Variants in MKLN1 observed in about 807,000 individuals in gnomAD.
The protein encoded by MKLN1 is muskelin.
In MKLN1, 18 loss-of-function variants were observed where a neutral mutation model predicts 99.0. The ratio of observed to expected loss-of-function variants is 0.18; its 90% confidence interval spans 0.13 to 0.27. MKLN1 has a LOEUF of 0.27. MKLN1 is among the 10% of genes least tolerant of loss of function. The pLI is 1.00. For synonymous variants in MKLN1, 288 were observed against 293.2 expected (o/e 0.98, Z 0.18); for missense variants, 621 against 875.9 (o/e 0.71, Z 3.67).
intron 2 of MKLN1, among the ~76,000 whole-genome samples, chr7:131,188,240 C>T (rs190414689): frequency 4.6e-5 from 7 of 152,150 alleles, no homozygotes; most frequent in South Asian, 2.1e-4. Context: ...CCATGGGGGG[C>T]GTTGGGGGGA....
At chr7:131,303,873 A>G (rs1393271600) in intron 3 of MKLN1, among the ~76,000 whole-genome samples, 1 of 152,246 alleles carries the variant, frequency 6.6e-6, no homozygotes, top group Non-Finnish European at 1.5e-5. Context: ...AAACTGGCCA[A>G]CAGCCCCATG....
At chr7:131,386,049 T>C (rs1261533295) in intron 2 of MKLN1, among the ~76,000 whole-genome samples, 2 of 150,348 alleles carry the variant, frequency 1.3e-5, no homozygotes, top group African/African-American at 4.9e-5. Context: ...AGTCTTACTC[T>C]GTTACTCAAG....
chr7:131,262,685 G>A (rs1455050002), intron 3 of MKLN1, among the ~76,000 whole-genome samples: 1 of 151,774 alleles, frequency 6.6e-6, no homozygotes, highest in Non-Finnish European at 1.5e-5. Context: ...CAAGTAGCTG[G>A]GACTGCAGGC....
rs114806643 is a variant in MKLN1, at chr7:131,218,185, A to G, written c.-179+15211A>G. Reference sequence around the variant, plus strand: ...ATACGGAATACAAGGTCTGAAAAATATCTCAAATACCATTCTTAGGTTTTA... The same window carrying G: ...ATACGGAATACAAGGTCTGAAAAATGTCTCAAATACCATTCTTAGGTTTTA... On this transcript the variant is annotated intron_variant, in intron 3 of 7. Transcript: ENST00000416992. Among the ~76,000 whole-genome samples the G allele has an allele frequency of 8.6e-3, 1,315 of 152,326 alleles. 23 individuals are homozygous for G. Among genetic ancestry groups the G allele is most frequent in the African/African-American group, 0.03 (1,237 of 41,556 alleles).
intron 3 of MKLN1, among the ~76,000 whole-genome samples, chr7:131,314,915 G>T (rs567395882): frequency 6.6e-6 from 1 of 151,970 alleles, no homozygotes; most frequent in Non-Finnish European, 1.5e-5. Context: ...GGGACTACAG[G>T]CACACACCAC....
At chr7:131,162,395 C>T (rs955195461) in intron 2 of MKLN1, among the ~76,000 whole-genome samples, 53 of 152,046 alleles carry the variant, frequency 3.5e-4, no homozygotes, top group African/African-American at 9.7e-4. Context: ...TCTAAATAAA[C>T]GTGAGAAAAT....
At chr7:131,253,526 T>A (rs912189645) in intron 3 of MKLN1, among the ~76,000 whole-genome samples, 8 of 152,058 alleles carry the variant, frequency 5.3e-5, no homozygotes, top group African/African-American at 1.9e-4. Flanking sequence ...TCACCCCAGC[T>A]TTTTTTCAGA....
intron 3 of MKLN1, among the ~76,000 whole-genome samples, chr7:131,276,681 A>T (rs1368179969): frequency 6.6e-6 from 1 of 152,200 alleles, no homozygotes; most frequent in Non-Finnish European, 1.5e-5. Flanking sequence ...CTTAACGTGG[A>T]CAAGCAGCAT....
chr7:131,479,843 A>C (rs1321916322), intron 17 of MKLN1, among the ~76,000 whole-genome samples: 2 of 77,442 alleles, frequency 2.6e-5, no homozygotes, highest in Non-Finnish European at 4.7e-5. Context: ...TAATAATAAT[A>C]ATAAATTTAA....
At chr7:131,456,584 G>A (rs1796345833) in intron 12 of MKLN1, among the ~76,000 whole-genome samples, 1 of 152,190 alleles carries the variant, frequency 6.6e-6, no homozygotes, top group South Asian at 2.1e-4. Flanking sequence ...GTTCAGAGTT[G>A]ATGAAAACAT....
At chr7:131,161,043 C>G (rs565966952) in intron 2 of MKLN1, among the ~76,000 whole-genome samples, 58 of 152,216 alleles carry the variant, frequency 3.8e-4, no homozygotes, top group African/African-American at 1.3e-3. Context: ...GCAGAACCCC[C>G]ACGGAGGCCA....
intron 12 of MKLN1, among the ~76,000 whole-genome samples, chr7:131,457,579 A>T (rs550107815): frequency 1.3e-5 from 2 of 152,324 alleles, no homozygotes; most frequent in Non-Finnish European, 2.9e-5. Flanking sequence ...GAATTGTTGT[A>T]CAAGTGCCAA....
intron 1 of MKLN1, among the ~76,000 whole-genome samples, chr7:131,125,863 G>T (rs1172338868): frequency 3.3e-5 from 5 of 151,770 alleles, no homozygotes; most frequent in African/African-American, 1.2e-4. Context: ...AAAATTAGCC[G>T]GGCGTGGTGG....
At chr7:131,451,945 A>G (rs1408057835) in intron 12 of MKLN1, among the ~76,000 whole-genome samples, 1 of 152,260 alleles carries the variant, frequency 6.6e-6, no homozygotes, top group African/African-American at 2.4e-5. Flanking sequence ...AGGAAGAAGC[A>G]TATATTGAAC....
intron 12 of MKLN1, 142 bp downstream of exon 12, chr7:131,446,045 T>G: frequency 2.1e-6 from 1 of 487,234 alleles, no homozygotes; most frequent in East Asian, 3.3e-5. Flanking sequence ...GAAAGAAAAT[T>G]CTACCAGCTT....
intron 1 of MKLN1, among the ~76,000 whole-genome samples, chr7:131,127,301 A>G (rs996075083): frequency 3.3e-5 from 5 of 152,236 alleles, no homozygotes; most frequent in Non-Finnish European, 4.4e-5. Context: ...GCCAGTGACC[A>G]CTAACAGGTG....
chr7:131,147,166 C>T lies in MKLN1; in HGVS notation c.-297+4225C>T, dbSNP rs188280268. Among the ~76,000 whole-genome samples, 246 of 151,910 alleles carry T rather than the reference C, an allele frequency of 1.6e-3. 1 individual carries two copies. The highest frequency in any genetic ancestry group is 5.4e-3 in the African/African-American group (223 of 41,442). ...TCCTGGGTTCAAGCGATTCTTCTCCCTCAGCCTCCCAAGTAGCTGGGATTA... is the reference window on the plus strand; with the variant it reads ...TCCTGGGTTCAAGCGATTCTTCTCCTTCAGCCTCCCAAGTAGCTGGGATTA... On this transcript the variant is annotated intron_variant, in intron 2 of 7. Coordinates refer to the MKLN1 transcript ENST00000416992.
At chr7:131,357,558 C>G (rs1470537242) in intron 1 of MKLN1, among the ~76,000 whole-genome samples, 3 of 152,062 alleles carry the variant, frequency 2.0e-5, no homozygotes, top group Non-Finnish European at 4.4e-5. Flanking sequence ...CTAATTTATC[C>G]AATAATTTAT....
At chr7:131,208,940 T>C (rs1796858736) in intron 3 of MKLN1, among the ~76,000 whole-genome samples, 1 of 152,204 alleles carries the variant, frequency 6.6e-6, no homozygotes, top group Non-Finnish European at 1.5e-5. Flanking sequence ...AGTGAAGTGA[T>C]AGATGACAAG....
Sources: gnomAD v4.1 joint callset for allele counts (sites outside exome capture counted in the v4.1 genomes callset) on GRCh38, gnomAD v4.1.1 for gene constraint, MANE v1.5 for transcripts, NCBI Gene and HGNC (gene_info 2026-07-23, HGNC 2026-07-21) for gene names.